Variants in DPYD observed in about 807,000 individuals in gnomAD.
DPYD encodes dihydropyrimidine dehydrogenase.
In DPYD, 109 loss-of-function variants were observed where a neutral mutation model predicts 116.2. That is an observed-to-expected ratio of 0.94 (90% CI 0.80 to 1.10). DPYD has a LOEUF of 1.10. Among genes scored for constraint, DPYD ranks in the 50% least tolerant of loss-of-function variants. The pLI is 0.00. For synonymous variants in DPYD, 440 were observed against 432.0 expected, an observed-to-expected ratio of 1.02 and a Z score of -0.23; for missense variants, 1,302 against 1,254.5, an observed-to-expected ratio of 1.04 and a Z score of -0.57.
chr1:97,511,150 A>G (rs976872499), intron 13 of DPYD, among the ~76,000 whole-genome samples: 2 of 152,000 alleles, frequency 1.3e-5, no homozygotes, highest in African/African-American at 4.8e-5. Context: ...ACATGACTAT[A>G]GTCAAATAGA....
chr1:97,593,118 A>G, intron 10 of DPYD, 100 bp downstream of exon 10: 2 of 1,435,572 alleles, frequency 1.4e-6, no homozygotes, highest in Non-Finnish European at 9.7e-7. Context: ...TTAAACTTGA[A>G]TTTGACAATT....
chr1:97,607,631 G>A (rs2100739965), intron 8 of DPYD, among the ~76,000 whole-genome samples: 1 of 151,852 alleles, frequency 6.6e-6, no homozygotes, highest in South Asian at 2.1e-4. Flanking sequence ...ATACCTTAAG[G>A]AAGGAAAGAG....
At chr1:97,391,384 C>T (rs1041392530) in intron 14 of DPYD, among the ~76,000 whole-genome samples, 1 of 151,822 alleles carries the variant, frequency 6.6e-6, no homozygotes, top group Non-Finnish European at 1.5e-5. Flanking sequence ...CTCTTTTGTC[C>T]CAGATCAGAA....
At chr1:97,516,004 C>T in intron 12 of DPYD, 63 bp from the exon 13 acceptor site, 1 of 1,471,766 alleles carries the variant, frequency 6.8e-7, no homozygotes, top group Non-Finnish European at 9.4e-7. Flanking sequence ...TAATATTTTA[C>T]CAAAAAAATC....
intron 8 of DPYD, among the ~76,000 whole-genome samples, chr1:97,637,632 G>GA (rs1657648212): frequency 6.6e-6 from 1 of 152,050 alleles, no homozygotes; most frequent in South Asian, 2.1e-4. Context: ...AAAGAAGTGA[G>GA]AAAAGAGAAA....
At chr1:97,593,448 A>C in intron 9 of DPYD, 61 bp from the exon 10 acceptor site, 23 of 1,587,888 alleles carry the variant, frequency 1.4e-5, no homozygotes, top group Middle Eastern at 1.8e-4. Flanking sequence ...ATGACAGCTC[A>C]AAAGATACTT....
intron 2 of DPYD, among the ~76,000 whole-genome samples, chr1:97,848,643 A>C (rs1029849510): frequency 6.6e-6 from 1 of 152,242 alleles, no homozygotes; most frequent in African/African-American, 2.4e-5. Flanking sequence ...TTAATTTGAT[A>C]TGAATCAGTG....
intron 8 of DPYD, among the ~76,000 whole-genome samples, chr1:97,645,052 A>C (rs1055972762): frequency 2.0e-5 from 3 of 152,146 alleles, no homozygotes; most frequent in African/African-American, 7.2e-5. Flanking sequence ...AAGATCTTTA[A>C]TATTTTTAAA....
chr1:97,632,998 A>G (rs1375499112), intron 8 of DPYD, among the ~76,000 whole-genome samples: 2 of 152,122 alleles, frequency 1.3e-5, no homozygotes, highest in Non-Finnish European at 2.9e-5. Context: ...ACGTAATCTT[A>G]GCACAAAAAA....
chr1:97,220,651 T>C (rs1304252620), intron 19 of DPYD, among the ~76,000 whole-genome samples: 4 of 152,320 alleles, frequency 2.6e-5, no homozygotes, highest in African/African-American at 7.2e-5. Context: ...TTTTCCTAGA[T>C]ACCACATTTC....
intron 3 of DPYD, among the ~76,000 whole-genome samples, chr1:97,751,460 G>GTATGTATATA (rs1553233232): frequency 2.3e-4 from 5 of 21,290 alleles, no homozygotes; most frequent in Non-Finnish European, 4.1e-4. Flanking sequence ...GTGTGTGTGT[G>GTATGTATATA]TATATATATA....
At chr1:97,546,649 G>A in intron 12 of DPYD, 1 of 1,612,780 alleles carries the variant, frequency 6.2e-7, no homozygotes. Context: ...TTACATTGCA[G>A]ATAGGAAGGA....
chr1:97,486,877 A>G (rs1678669882), intron 13 of DPYD, among the ~76,000 whole-genome samples: 1 of 151,800 alleles, frequency 6.6e-6, no homozygotes, highest in Admixed American at 6.6e-5. Context: ...TCTCTCCATA[A>G]GTTATCAACT....
chr1:97,613,555 C>T (rs774454852), intron 8 of DPYD, among the ~76,000 whole-genome samples: 4 of 151,838 alleles, frequency 2.6e-5, no homozygotes, highest in African/African-American at 4.8e-5. Flanking sequence ...TGAGACTTTC[C>T]GAAACACCTG....
chr1:97,801,979 T>G (rs972625555), intron 3 of DPYD, among the ~76,000 whole-genome samples: 6 of 151,864 alleles, frequency 4.0e-5, no homozygotes, highest in Admixed American at 2.0e-4. Flanking sequence ...AAGTAGGATA[T>G]AAAATATAAA....
intron 3 of DPYD, among the ~76,000 whole-genome samples, chr1:97,772,719 TA>T (rs1666207127): frequency 6.6e-6 from 1 of 152,054 alleles, no homozygotes; most frequent in Non-Finnish European, 1.5e-5. Context: ...AACTGGTAAG[TA>T]GAGGAGAATG....
chr1:97,755,811 G>A (rs1189689216), intron 3 of DPYD, among the ~76,000 whole-genome samples: 3 of 152,116 alleles, frequency 2.0e-5, no homozygotes, highest in Non-Finnish European at 4.4e-5. Flanking sequence ...CCATTATAGG[G>A]AGGATTAAAT....
intron 2 of DPYD, among the ~76,000 whole-genome samples, chr1:97,844,094 A>T (rs1051826629): frequency 1.3e-5 from 2 of 152,174 alleles, no homozygotes; most frequent in African/African-American, 4.8e-5. Flanking sequence ...AACTGCAAAG[A>T]CCCTAAAAGA....
At chr1:97,102,736 C>T (rs1453596864) in intron 20 of DPYD, among the ~76,000 whole-genome samples, 1 of 151,876 alleles carries the variant, frequency 6.6e-6, no homozygotes, top group African/African-American at 2.4e-5. Flanking sequence ...AATTTCCAGA[C>T]AGTGTAGTAC....
Sources: allele counts gnomAD v4.1 joint callset (sites outside exome capture counted in the v4.1 genomes callset), GRCh38; gene constraint gnomAD v4.1.1; transcripts MANE v1.5; gene names NCBI Gene and HGNC (gene_info 2026-07-23, HGNC 2026-07-21).